The following CHST10 variants were observed in gnomAD, a reference collection of about 807,000 sequenced individuals.
The protein encoded by CHST10 is carbohydrate sulfotransferase 10.
A neutral mutation model predicts 34.7 loss-of-function variants in CHST10; 24 were observed. The observed-to-expected ratio is 0.69, with a 90% confidence interval of 0.50 to 0.97. The LOEUF (loss-of-function observed/expected upper bound fraction) is 0.97, where lower values mean the gene tolerates loss of function less well. Among genes scored for constraint, CHST10 ranks in the 50% least tolerant of loss-of-function variants. The probability of loss-of-function intolerance (pLI) is 0.00; values close to 1 mark genes in which losing one functional copy is unlikely to be tolerated. For synonymous variants in CHST10, 161 were observed against 169.3 expected, an observed-to-expected ratio of 0.95 and a Z score of 0.38; for missense variants, 402 against 452.1, an observed-to-expected ratio of 0.89 and a Z score of 1.00.
chr2:100,415,063 T>C lies in CHST10; in HGVS notation c.-55A>G. 1 of 1,303,644 alleles carries C rather than the reference T, an allele frequency of 7.7e-7. No individual in the cohort carries two copies. The highest frequency in any genetic ancestry group is 1.0e-6 in the Non-Finnish European group (1 of 988,542). The allele number at this position is 1,303,644 out of a possible 1,614,324, so 80.8% of individuals were successfully genotyped here. On this transcript the variant is annotated 5_prime_UTR_variant, in exon 2 of 7. The change abolishes an upstream ATG in the 5' untranslated region. Transcript: ENST00000264249. Reference sequence around the variant, plus strand: ...TACCTTCTGCAGCCTGGGGCTCACATTTCCTTGCTGTGTTTCCCCTGAACT... The same window carrying C: ...TACCTTCTGCAGCCTGGGGCTCACACTTCCTTGCTGTGTTTCCCCTGAACT...
In CHST10 at chr2:100,392,593, C is replaced by G. The variant is rs530968532; in HGVS notation, c.*652G>C. The G allele has an allele frequency of 1.3e-5, 2 of 154,308 alleles. No homozygotes were observed. The highest frequency in any genetic ancestry group is 2.9e-5 in the Non-Finnish European group (2 of 69,432). 9.6% of individuals were successfully genotyped at this position (154,308 alleles called of 1,614,324 possible). A position where few individuals can be genotyped will look rare whatever the true frequency, so the allele number is the denominator to read the frequency against. On this transcript the variant is annotated 3_prime_UTR_variant, in exon 7 of 7. Coordinates refer to ENST00000264249, the MANE Select transcript of CHST10 (RefSeq NM_004854.5). ...GGTTCAGAAGCATGGACCAGCATTA[C>G]ACAGGCATGGATTCTGGAAAGATGG...
intron 3 of CHST10, among the ~76,000 whole-genome samples, chr2:100,404,014 T>C (rs1177378939): frequency 1.3e-5 from 2 of 152,124 alleles, no homozygotes; most frequent in Admixed American, 1.3e-4. Context: ...GTGTAAATGC[T>C]CTTGATGCTT....
At chr2:100,404,731 A>G (rs1558641358) in intron 3 of CHST10, among the ~76,000 whole-genome samples, 1 of 152,340 alleles carries the variant, frequency 6.6e-6, no homozygotes, top group East Asian at 1.9e-4. Context: ...TAAAACACAA[A>G]GGCACAAGTC....
At chr2:100,401,942 G>T (rs1448937157) in intron 4 of CHST10, among the ~76,000 whole-genome samples, 1 of 152,170 alleles carries the variant, frequency 6.6e-6, no homozygotes, top group African/African-American at 2.4e-5. Context: ...ATCCAGAATG[G>T]GGGTTACGAA....
chr2:100,405,803 G>C (rs1025248450), intron 3 of CHST10, among the ~76,000 whole-genome samples: 1 of 152,142 alleles, frequency 6.6e-6, no homozygotes, highest in Admixed American at 6.5e-5. Flanking sequence ...TGGCTTCCTC[G>C]TGCTTGCCTG....
intron 1 of CHST10, chr2:100,416,757 C>A: frequency 2.8e-6 from 1 of 356,120 alleles, no homozygotes; most frequent in East Asian, 7.4e-5. Flanking sequence ...CTAACCAGAA[C>A]CTGGCTGCAC....
intron 2 of CHST10, among the ~76,000 whole-genome samples, chr2:100,407,186 G>A (rs1464485788): frequency 6.6e-6 from 1 of 152,192 alleles, no homozygotes; most frequent in Non-Finnish European, 1.5e-5. Context: ...TGGCTGACAA[G>A]ATGTAGCCAC....
intron 6 of CHST10, among the ~76,000 whole-genome samples, chr2:100,394,822 C>T (rs928596373): frequency 2.9e-4 from 44 of 151,510 alleles, no homozygotes; most frequent in Middle Eastern, 3.4e-3. Flanking sequence ...CTCCAGGGTT[C>T]AAGCGATTCT....
intron 4 of CHST10, among the ~76,000 whole-genome samples, chr2:100,401,687 T>C (rs1270967732): frequency 6.6e-6 from 1 of 152,172 alleles, no homozygotes; most frequent in African/African-American, 2.4e-5. Flanking sequence ...ATTTAGGCTG[T>C]CTCAGAGTTC....
intron 4 of CHST10, among the ~76,000 whole-genome samples, chr2:100,401,071 C>A (rs1675318435): frequency 6.6e-6 from 1 of 152,354 alleles, no homozygotes; most frequent in Middle Eastern, 3.4e-3. Context: ...TTTGGTGTCA[C>A]CTAACGGCAT....
intron 4 of CHST10, among the ~76,000 whole-genome samples, chr2:100,398,891 G>C (rs1675201366): frequency 6.6e-6 from 1 of 152,152 alleles, no homozygotes; most frequent in South Asian, 2.1e-4. Flanking sequence ...GGCACAGGGA[G>C]ATGTGCCAGT....
intron 4 of CHST10, among the ~76,000 whole-genome samples, chr2:100,399,868 T>G (rs1675254889): frequency 6.6e-6 from 1 of 152,208 alleles, no homozygotes; most frequent in Non-Finnish European, 1.5e-5. Flanking sequence ...GAGGCCCCTT[T>G]GCAGAGTGGC....
At chr2:100,394,060 T>C (rs1159156322) in intron 6 of CHST10, among the ~76,000 whole-genome samples, 1 of 152,224 alleles carries the variant, frequency 6.6e-6, no homozygotes, top group African/African-American at 2.4e-5. Flanking sequence ...TGAAGACATC[T>C]ATTTAATCTA....
At chr2:100,403,612 C>T (rs996867313) in intron 3 of CHST10, among the ~76,000 whole-genome samples, 7 of 152,168 alleles carry the variant, frequency 4.6e-5, no homozygotes, top group African/African-American at 1.7e-4. Context: ...AGAACATGCA[C>T]ACCACTGATG....
At position 100,393,187 on chromosome 2, in the gene CHST10, T is replaced by TCTTC. The variant is rs1417236191; in HGVS notation, c.*54_*57dup. On this transcript the variant is annotated 3_prime_UTR_variant, in exon 7 of 7. Coordinates refer to ENST00000264249, the MANE Select transcript of CHST10 (RefSeq NM_004854.5). Reference sequence around the variant, plus strand: ...AGGAAGGGTCATTTCTGGGCTCAGATCTTCACCTGGTTAGCCCCAGGTCTA... The same window carrying TCTTC: ...AGGAAGGGTCATTTCTGGGCTCAGATCTTCCTTCACCTGGTTAGCCCCAGGTCTA... The TCTTC allele has an allele frequency of 1.5e-5, 23 of 1,558,784 alleles. No individual in the cohort carries two copies. Among genetic ancestry groups the TCTTC allele is most frequent in the Non-Finnish European group, 1.9e-5 (22 of 1,142,908 alleles).
chr2:100,392,855 A>T lies in CHST10; in HGVS notation c.*390T>A. The T allele has an allele frequency of 4.1e-5, 9 of 218,870 alleles. No individual in the cohort carries two copies. Among genetic ancestry groups the T allele is most frequent in the South Asian group, 2.7e-4 (3 of 11,060 alleles). The allele number at this position is 218,870 out of a possible 1,614,324, so 13.6% of individuals were successfully genotyped here. A position where few individuals can be genotyped will look rare whatever the true frequency, so the allele number is the denominator to read the frequency against. On this transcript the variant is annotated 3_prime_UTR_variant, in exon 7 of 7. Transcript: ENST00000264249. ...TCCTGCAACCCACCAGTGATGGGTG[A>T]AGCCACCCTGACTAGCCAGGAGAAC...
Position 100,402,674 on chromosome 2 carries a change from G to C in CHST10, c.101-19C>G. 2 of 1,603,058 alleles carry C rather than the reference G, an allele frequency of 1.2e-6. No homozygotes were observed. Among genetic ancestry groups the C allele is most frequent in the Non-Finnish European group, 1.7e-6 (2 of 1,170,192 alleles). On this transcript the variant is annotated intron_variant, in intron 3 of 6. Coordinates refer to ENST00000264249, the MANE Select transcript of CHST10 (RefSeq NM_004854.5). ...CTGTACACTGGAAGACAGAGAGGTT[G>C]AATGTCTTCTCTAAAAGGAAAAGGC...
At chr2:100,398,894 G>T (rs1675201475) in intron 4 of CHST10, among the ~76,000 whole-genome samples, 1 of 152,140 alleles carries the variant, frequency 6.6e-6, no homozygotes, top group Non-Finnish European at 1.5e-5. Context: ...ACAGGGAGAT[G>T]TGCCAGTACA....
At chr2:100,406,867 C>T (rs7561065) in intron 2 of CHST10, among the ~76,000 whole-genome samples, 160 bp from the exon 3 acceptor site, 20,513 of 152,194 alleles carry the variant, frequency 0.13, 3,571 homozygotes, top group African/African-American at 0.4. Flanking sequence ...TTTAACATTT[C>T]ATATTGAATT....
Sources: allele counts gnomAD v4.1 joint callset (sites outside exome capture counted in the v4.1 genomes callset), GRCh38; gene constraint gnomAD v4.1.1; transcripts MANE v1.5; gene names NCBI Gene and HGNC (gene_info 2026-07-23, HGNC 2026-07-21).